Variants in TMCO1 observed in about 807,000 individuals in gnomAD.
TMCO1 encodes transmembrane and coiled-coil domains 1.
Under a neutral mutation model 29.3 loss-of-function variants are expected in TMCO1, and 29 were observed. That is an observed-to-expected ratio of 0.99 (90% CI 0.74 to 1.35). The LOEUF (loss-of-function observed/expected upper bound fraction) is 1.35. TMCO1 is among the 40% of genes most tolerant of loss of function. TMCO1 has a pLI of 0.00. For missense variants in TMCO1, 173 were observed against 225.5 expected (o/e 0.77, Z 1.49); for synonymous variants, 80 against 77.1 (o/e 1.04, Z -0.20).
At chr1:165,747,353 T>G (rs1396268824) in intron 5 of TMCO1, among the ~76,000 whole-genome samples, 1 of 151,406 alleles carries the variant, frequency 6.6e-6, no homozygotes, top group Non-Finnish European at 1.5e-5. Context: ...TTACTTATAC[T>G]TATTTGGAAA....
chr1:165,764,661 G>A (rs1475982535), intron 2 of TMCO1, among the ~76,000 whole-genome samples: 1 of 152,194 alleles, frequency 6.6e-6, no homozygotes, highest in African/African-American at 2.4e-5. Context: ...TAGGGAGCAA[G>A]AGAGAATATG....
At chr1:165,738,413 C>T (rs1188881045) in intron 6 of TMCO1, among the ~76,000 whole-genome samples, 1 of 152,216 alleles carries the variant, frequency 6.6e-6, no homozygotes, top group Admixed American at 6.5e-5. Flanking sequence ...CATATTCTGA[C>T]TATTCATTTC....
chr1:165,759,584 ACT>A lies in TMCO1; in HGVS notation c.149-2_149-1del. ...TGTTATTGTTTCCTTCTTCTTTTCCACTGTAAACAACATAGTAACACAGTAAA... is the reference window on the plus strand; with the variant it reads ...TGTTATTGTTTCCTTCTTCTTTTCCAGTAAACAACATAGTAACACAGTAAA... On this transcript the variant is annotated splice_acceptor_variant, in intron 2 of 6. Coordinates refer to ENST00000367881, the MANE Select transcript of TMCO1 (RefSeq NM_019026.6). LOFTEE classifies it high-confidence loss of function. The A allele has an allele frequency of 1.2e-6, 2 of 1,611,872 alleles. No individual in the cohort carries two copies. The highest frequency in any genetic ancestry group is 1.7e-6 in the Non-Finnish European group (2 of 1,178,514).
intron 3 of TMCO1, among the ~76,000 whole-genome samples, chr1:165,756,849 A>AAT (rs776486206): frequency 2.3e-4 from 35 of 150,752 alleles, no homozygotes; most frequent in African/African-American, 7.5e-4. Flanking sequence ...TATATATACA[A>AAT]ATATAGTATA....
chr1:165,752,993 G>C (rs978707896), intron 4 of TMCO1, among the ~76,000 whole-genome samples: 1 of 152,114 alleles, frequency 6.6e-6, no homozygotes, highest in Non-Finnish European at 1.5e-5. Flanking sequence ...CACAGTTCAG[G>C]TGTCCTGTGT....
intron 3 of TMCO1, 64 bp from the exon 4 acceptor site, chr1:165,754,338 A>T (rs569168020): frequency 7.7e-7 from 1 of 1,306,518 alleles, no homozygotes; most frequent in East Asian, 2.3e-5. Context: ...TGTTAAATAA[A>T]CTGTCACTGA....
chr1:165,768,842 G>T lies in TMCO1; in HGVS notation c.-91C>A, dbSNP rs771145323. The T allele has an allele frequency of 1.3e-6, 2 of 1,587,700 alleles. No individual in the cohort carries two copies. Among genetic ancestry groups the T allele is most frequent in the South Asian group, 1.1e-5 (1 of 88,724 alleles). ...AGCGAAAACGGCTTCCGTAGACTCC[G>T]CCACCACCGAGTAACAGACCAACTC... On this transcript the variant is annotated 5_prime_UTR_variant, in exon 1 of 7. Transcript: ENST00000367881.
chr1:165,747,991 T>A (rs1651861413), intron 5 of TMCO1, among the ~76,000 whole-genome samples: 1 of 152,104 alleles, frequency 6.6e-6, no homozygotes, highest in Non-Finnish European at 1.5e-5. Context: ...AAACCCCATG[T>A]CTACTAAAAA....
At chr1:165,739,843 G>A (rs1030405835) in intron 6 of TMCO1, among the ~76,000 whole-genome samples, 1 of 150,704 alleles carries the variant, frequency 6.6e-6, no homozygotes, top group Admixed American at 6.6e-5. Flanking sequence ...GGGCACAGTG[G>A]CTCACGCCTG....
chr1:165,759,196 T>C (rs114703944), intron 3 of TMCO1, among the ~76,000 whole-genome samples: 473 of 152,264 alleles, frequency 3.1e-3, no homozygotes, highest in Non-Finnish European at 4.6e-3. Flanking sequence ...AAGTAAGACT[T>C]AAGTGGAAAT....
At chr1:165,728,279 T>C (rs550721157) in intron 6 of TMCO1, among the ~76,000 whole-genome samples, 158 bp from the exon 7 acceptor site, 121 of 151,428 alleles carry the variant, frequency 8.0e-4, no homozygotes, top group South Asian at 5.7e-3. Flanking sequence ...TTTTTTGAGA[T>C]GGAGTCTCGC....
At chr1:165,724,935 A>G (rs1284148419), downstream of TMCO1, 1 of 452,982 alleles carries the variant, frequency 2.2e-6, no homozygotes, top group East Asian at 7.0e-5. Context: ...CTAGGAGCTG[A>G]TAATTGTCGA....
downstream of TMCO1, chr1:165,726,386 G>A (rs534799237): frequency 4.6e-6 from 3 of 649,460 alleles, no homozygotes; most frequent in African/African-American, 5.3e-5. Flanking sequence ...TCCAACTTTA[G>A]AGAGCTCACA....
chr1:165,740,585 C>T (rs1235844567), intron 6 of TMCO1, among the ~76,000 whole-genome samples: 2 of 152,144 alleles, frequency 1.3e-5, no homozygotes, highest in African/African-American at 2.4e-5. Context: ...GACCAATATT[C>T]CACAGAGATC....
At chr1:165,759,354 C>T (rs1178845178) in intron 3 of TMCO1, among the ~76,000 whole-genome samples, 171 bp downstream of exon 3, 1 of 152,170 alleles carries the variant, frequency 6.6e-6, no homozygotes, top group African/African-American at 2.4e-5. Context: ...TTGTCCTGTA[C>T]ACCTCACAAA....
At chr1:165,741,471 AG>A (rs1651591807) in intron 6 of TMCO1, among the ~76,000 whole-genome samples, 1 of 152,248 alleles carries the variant, frequency 6.6e-6, no homozygotes, top group Non-Finnish European at 1.5e-5. Context: ...AAGGAAGAAG[AG>A]GGAGGCATTC....
At chr1:165,729,127 AC>A (rs1267677993) in intron 6 of TMCO1, among the ~76,000 whole-genome samples, 10 of 129,930 alleles carry the variant, frequency 7.7e-5, no homozygotes, top group African/African-American at 1.5e-4. Flanking sequence ...AAAAAAAAAA[AC>A]CAGTTTCAAT....
chr1:165,751,795 G>A (rs1218085945), intron 5 of TMCO1, among the ~76,000 whole-genome samples: 2 of 151,592 alleles, frequency 1.3e-5, no homozygotes, highest in African/African-American at 4.8e-5. Flanking sequence ...GAAATATACA[G>A]AGAAGTAGTT....
intron 6 of TMCO1, among the ~76,000 whole-genome samples, chr1:165,734,920 TA>T (rs1382078577): frequency 1.3e-5 from 2 of 152,114 alleles, no homozygotes; most frequent in South Asian, 2.1e-4. Flanking sequence ...AGAAAACAAA[TA>T]AAATAGGGTA....
Sources: allele counts gnomAD v4.1 joint callset (sites outside exome capture counted in the v4.1 genomes callset), GRCh38; gene constraint gnomAD v4.1.1; transcripts MANE v1.5; gene names NCBI Gene and HGNC (gene_info 2026-07-23, HGNC 2026-07-21).